Variants in CPXM2 observed in about 807,000 individuals in gnomAD.
CPXM2 encodes inactive carboxypeptidase-like protein X2.
Under a neutral mutation model 86.1 loss-of-function variants are expected in CPXM2, and 66 were observed. The observed-to-expected ratio is 0.77, with a 90% CI of 0.63 to 0.94. CPXM2 has a LOEUF of 0.94. CPXM2 is among the 40% of genes least tolerant of loss of function. The pLI, the probability that CPXM2 is intolerant of heterozygous loss-of-function variation, is 0.00. For missense variants in CPXM2, 948 were observed against 1,026.3 expected (o/e 0.92, Z 1.04); for synonymous variants, 388 against 400.2 (o/e 0.97, Z 0.36).
intron 7 of CPXM2, among the ~76,000 whole-genome samples, chr10:123,778,791 T>C (rs1274138643): frequency 1.3e-5 from 2 of 152,188 alleles, no homozygotes; most frequent in African/African-American, 2.4e-5. Context: ...TAAAATGGAA[T>C]GGCAAGCAGA....
intron 2 of CPXM2, 137 bp downstream of exon 2, chr10:123,880,074 G>A (rs907596542): frequency 2.5e-5 from 15 of 607,736 alleles, no homozygotes; most frequent in African/African-American, 9.2e-5. Context: ...ACCATGGATC[G>A]GAATAGACAG....
At chr10:123,943,260 G>A (rs1945793623), upstream of CPXM2, among the ~76,000 whole-genome samples, 3 of 152,236 alleles carry the variant, frequency 2.0e-5, no homozygotes, top group South Asian at 6.2e-4. Flanking sequence ...TAAACTTGAT[G>A]TGTTCATTGT....
At chr10:123,820,099 C>T (rs919841143) in intron 4 of CPXM2, among the ~76,000 whole-genome samples, 4 of 152,198 alleles carry the variant, frequency 2.6e-5, no homozygotes, top group East Asian at 1.9e-4. Context: ...TTTTGGGACT[C>T]GGACTGGCTT....
chr10:123,875,107 C>T (rs915756747), intron 2 of CPXM2, among the ~76,000 whole-genome samples: 5 of 152,154 alleles, frequency 3.3e-5, no homozygotes, highest in African/African-American at 1.2e-4. Flanking sequence ...CAGCCCAGGA[C>T]CCCTAATCAA....
chr10:123,843,571 TA>T (rs930352155), intron 3 of CPXM2, among the ~76,000 whole-genome samples: 235 of 144,576 alleles, frequency 1.6e-3, no homozygotes, highest in African/African-American at 2.3e-3. Context: ...ATGATCAGAT[TA>T]AAAAAAAAAA....
Position 123,899,399 on chromosome 10 carries a change from A to G in CPXM2, n.175-19090T>C, listed in dbSNP as rs143338790. On this transcript the variant is annotated intron_variant and non_coding_transcript_variant, in intron 2 of 19. Transcript: ENST00000368854. ...CAACAGATCAAAAGGAAAAGGTTGT[A>G]TGATTATCTAAATCAATGAATTATC... 4.9e-3 allele frequency among the ~76,000 whole-genome samples: 747 copies of G among 152,396 alleles called. 3 individuals carry two copies. Among genetic ancestry groups the G allele is most frequent in the African/African-American group, 0.017 (715 of 41,592 alleles).
At chr10:123,805,949 C>G (rs879806585) in intron 4 of CPXM2, among the ~76,000 whole-genome samples, 10 of 152,162 alleles carry the variant, frequency 6.6e-5, no homozygotes, top group Admixed American at 6.5e-4. Flanking sequence ...TTTACCCCTC[C>G]AGCTTTTGCA....
Position 123,842,455 on chromosome 10 carries a change from C to G in CPXM2, c.547G>C (p.Ala183Pro). Residue 183 changes from alanine to proline, a missense_variant, in exon 4 of 14, where the codon GCG becomes CCG. By Grantham distance (27) the Ala-to-Pro change is conservative. Transcript: ENST00000241305. ...AGGTCATTTCTTCCCGCGCACCACG[C>G]TCCGTCATAAAAATCATTTTCATTA... The part of the protein sequence containing the change: ...GINENDFYDG[A>P]WCAGRNDLQQ... The G allele has an allele frequency of 3.1e-6, 5 of 1,614,202 alleles. No homozygotes were observed. In the South Asian group the frequency reaches 4.4e-5, roughly 14 times the overall value.
At chr10:123,799,093 T>C in intron 5 of CPXM2, 22 bp downstream of exon 5, 1 of 1,613,596 alleles carries the variant, frequency 6.2e-7, no homozygotes. Context: ...AAAGGCATGG[T>C]TAAATGGAGG....
chr10:123,790,066 C>T (rs1440856114), intron 6 of CPXM2, among the ~76,000 whole-genome samples: 1 of 152,032 alleles, frequency 6.6e-6, no homozygotes, highest in Non-Finnish European at 1.5e-5. Context: ...TGCAGTGAGC[C>T]AAGATCGCAC....
intron 4 of CPXM2, among the ~76,000 whole-genome samples, chr10:123,815,377 C>G (rs556138290): frequency 2.0e-5 from 3 of 152,188 alleles, no homozygotes; most frequent in African/African-American, 7.2e-5. Context: ...AAGGTGCATA[C>G]ACAGCCTCAT....
chr10:123,843,432 A>ATTTTT lies in CPXM2; in HGVS notation c.514-949_514-945dup, dbSNP rs5788632. Among the ~76,000 whole-genome samples the ATTTTT allele has an allele frequency of 1.2e-4, 15 of 126,390 alleles. 1 individual carries two copies. The highest frequency in any genetic ancestry group is 2.5e-4 in the South Asian group (1 of 3,936). 82.9% of individuals were successfully genotyped at this position (126,390 alleles called of 152,430 possible). On this transcript the variant is annotated intron_variant, in intron 3 of 13. Coordinates refer to ENST00000241305, the MANE Select transcript of CPXM2 (RefSeq NM_198148.3). Reference sequence around the variant, plus strand: ...TTTTCCATGGCTATTTCACAGAGCTATTTTTTTTTTTTTTTTTTTGAGACG... The same window carrying ATTTTT: ...TTTTCCATGGCTATTTCACAGAGCTATTTTTTTTTTTTTTTTTTTTTTTTGAGACG...
chr10:123,942,930 A>G (rs947695632), upstream of CPXM2, among the ~76,000 whole-genome samples: 5 of 152,098 alleles, frequency 3.3e-5, no homozygotes, highest in African/African-American at 1.2e-4. Context: ...CTATATTTAG[A>G]TATGTTTAGT....
chr10:123,755,102 C>G (rs1222940975), intron 12 of CPXM2, among the ~76,000 whole-genome samples: 1 of 152,222 alleles, frequency 6.6e-6, no homozygotes, highest in Non-Finnish European at 1.5e-5. Context: ...GCAGCGGTCC[C>G]CCTGCTAGCC....
chr10:123,931,254 AC>A (rs1945664131), intron 2 of CPXM2, among the ~76,000 whole-genome samples: 1 of 152,090 alleles, frequency 6.6e-6, no homozygotes, highest in African/African-American at 2.4e-5. Flanking sequence ...AGTAAAAAAA[AC>A]CCTGGACACT....
intron 2 of CPXM2, among the ~76,000 whole-genome samples, chr10:123,909,902 T>G (rs1945474144): frequency 2.0e-5 from 3 of 152,086 alleles, no homozygotes; most frequent in Non-Finnish European, 2.9e-5. Flanking sequence ...ATGCCAACAT[T>G]TAGTCCCTCC....
At chr10:123,846,448 G>A (rs951577623) in intron 3 of CPXM2, among the ~76,000 whole-genome samples, 12 of 152,190 alleles carry the variant, frequency 7.9e-5, no homozygotes, top group East Asian at 1.9e-4. Context: ...AGTTCAGGCC[G>A]TAATTTGAGC....
rs757189750 is a variant in CPXM2 at position 123,771,006 on chromosome 10, T to C, written c.1012A>G (p.Ile338Val). Reference sequence around the variant, plus strand: ...TTTCCAATGTTGTAAATTCTGGTGATATTGGGACACATTTCATTCACAACT... The same window carrying C: ...TTTCCAATGTTGTAAATTCTGGTGACATTGGGACACATTTCATTCACAACT... ...MKVVNEMCPNITRIYNIGKSH... is the reference protein window; with the variant it reads ...MKVVNEMCPNVTRIYNIGKSH... Residue 338 changes from isoleucine to valine, a missense_variant, in exon 8 of 14, where the codon ATC becomes GTC. Ile to Val is a conservative substitution (Grantham distance 29). Coordinates refer to ENST00000241305, the MANE Select transcript of CPXM2 (RefSeq NM_198148.3). 4 of 1,613,348 alleles carry C rather than the reference T, an allele frequency of 2.5e-6. No individual in the cohort carries two copies. The highest frequency in any genetic ancestry group is 2.2e-5 in the East Asian group (1 of 44,876).
chr10:123,775,594 T>C (rs1325916604), intron 7 of CPXM2, among the ~76,000 whole-genome samples: 1 of 152,214 alleles, frequency 6.6e-6, no homozygotes, highest in Non-Finnish European at 1.5e-5. Context: ...CCACGAGCCA[T>C]CAGAATGACC....
Sources: allele counts gnomAD v4.1 joint callset (sites outside exome capture counted in the v4.1 genomes callset), GRCh38; gene constraint gnomAD v4.1.1; transcripts MANE v1.5; gene names NCBI Gene and HGNC (gene_info 2026-07-23, HGNC 2026-07-21).